LRMDA: variants seen among roughly 807,000 people sequenced by gnomAD.
The protein encoded by LRMDA is leucine-rich melanocyte differentiation-associated protein.
Under a neutral mutation model 29.8 loss-of-function variants are expected in LRMDA, and 18 were observed. The ratio of observed to expected loss-of-function variants is 0.60; its 90% CI spans 0.42 to 0.90. The LOEUF (loss-of-function observed/expected upper bound fraction) is 0.90, where lower values mean the gene tolerates loss of function less well. Ranked by LOEUF, LRMDA falls within the 40% of genes least tolerant of loss-of-function variation. LRMDA has a pLI of 0.00. For missense variants in LRMDA, 273 were observed against 273.9 expected, an observed-to-expected ratio of 1.00 and a Z score of 0.02; for synonymous variants, 125 against 109.4, an observed-to-expected ratio of 1.14 and a Z score of -0.89.
At chr10:75,602,210 T>A (rs1564519839) in intron 2 of LRMDA, among the ~76,000 whole-genome samples, 1 of 151,888 alleles carries the variant, frequency 6.6e-6, no homozygotes, top group Non-Finnish European at 1.5e-5. Flanking sequence ...ATATTCCAAA[T>A]GATGCACCGT....
At chr10:75,712,736 C>A (rs1229707609) in intron 2 of LRMDA, among the ~76,000 whole-genome samples, 1 of 152,162 alleles carries the variant, frequency 6.6e-6, no homozygotes, top group Non-Finnish European at 1.5e-5. Flanking sequence ...TCCTACCAGC[C>A]GTGGCAGAGG....
intron 2 of LRMDA, among the ~76,000 whole-genome samples, chr10:75,693,506 C>G (rs1218532823): frequency 1.3e-5 from 2 of 152,132 alleles, no homozygotes; most frequent in Non-Finnish European, 2.9e-5. Context: ...ACCCTGTTAT[C>G]CTTTAATTGG....
At chr10:75,927,219 T>C (rs2132396433) in intron 2 of LRMDA, among the ~76,000 whole-genome samples, 1 of 152,350 alleles carries the variant, frequency 6.6e-6, no homozygotes, top group Non-Finnish European at 1.5e-5. Context: ...GTTCTTAAGA[T>C]GAGCCAAATG....
At chr10:76,289,501 C>T (rs1310609351) in intron 5 of LRMDA, among the ~76,000 whole-genome samples, 1 of 152,044 alleles carries the variant, frequency 6.6e-6, no homozygotes, top group Non-Finnish European at 1.5e-5. Context: ...TTACCCTATG[C>T]AGTATTACAG....
chr10:76,043,105 G>C (rs1379263469), intron 3 of LRMDA, among the ~76,000 whole-genome samples: 2 of 152,076 alleles, frequency 1.3e-5, no homozygotes, highest in Non-Finnish European at 2.9e-5. Context: ...CTGGGCGACA[G>C]AGTGAGACTC....
chr10:76,050,618 A>C (rs772881583), intron 4 of LRMDA, among the ~76,000 whole-genome samples: 5 of 152,194 alleles, frequency 3.3e-5, no homozygotes, highest in African/African-American at 9.6e-5. Flanking sequence ...TGAATGTGAT[A>C]ATCAGCAGCC....
In LRMDA at chr10:76,267,722, A is replaced by G. The variant is rs545419062; in HGVS notation, c.517-56679A>G. Among the ~76,000 whole-genome samples the G allele has an allele frequency of 6.6e-5, 10 of 152,326 alleles. No individual in the cohort carries two copies. The South Asian group carries it at 2.1e-3, about 32-fold the overall frequency. On this transcript the variant is annotated intron_variant, in intron 5 of 6. Coordinates refer to ENST00000611255, the MANE Select transcript of LRMDA (RefSeq NM_001305581.2). ...TGGAATGAAGATGTGGATTCCATCT[A>G]TAGCTGTCAATCTTGTGAGTAAAAT...
intron 5 of LRMDA, among the ~76,000 whole-genome samples, chr10:76,132,111 G>A (rs900711230): frequency 5.9e-5 from 9 of 152,146 alleles, no homozygotes; most frequent in Admixed American, 3.3e-4. Context: ...TAAGAGGAGT[G>A]TGAGGTTAGA....
intron 2 of LRMDA, among the ~76,000 whole-genome samples, chr10:75,575,832 G>T (rs1840497715): frequency 6.6e-6 from 1 of 152,080 alleles, no homozygotes; most frequent in African/African-American, 2.4e-5. Flanking sequence ...CTCCGGCCCA[G>T]ATACTGAGCT....
At chr10:76,085,535 G>T (rs2132084300) in intron 5 of LRMDA, among the ~76,000 whole-genome samples, 1 of 152,246 alleles carries the variant, frequency 6.6e-6, no homozygotes, top group Admixed American at 6.5e-5. Context: ...GCTGGGGCTG[G>T]GGTGGAGGGA....
rs760407369 is a variant in LRMDA at position 76,281,240 on chromosome 10, A to G, written c.517-43161A>G. Among the ~76,000 whole-genome samples the G allele has an allele frequency of 2.0e-5, 3 of 152,222 alleles. No individual in the cohort carries two copies. The South Asian group carries it at 6.2e-4, about 32-fold the overall frequency. ...ATAAAAATCTGGAAAGTGGAAGTAT[A>G]TGGGAACAGACCTCAAAGGTCCTTT... On this transcript the variant is annotated intron_variant, in intron 5 of 6. Coordinates refer to ENST00000611255, the MANE Select transcript of LRMDA (RefSeq NM_001305581.2).
chr10:75,947,465 A>G (rs1275737771), intron 2 of LRMDA, among the ~76,000 whole-genome samples: 1 of 152,108 alleles, frequency 6.6e-6, no homozygotes, highest in Non-Finnish European at 1.5e-5. Context: ...CCGGATATTC[A>G]TGTAGGCAGG....
At chr10:76,176,055 T>C (rs938090044) in intron 5 of LRMDA, among the ~76,000 whole-genome samples, 2 of 152,242 alleles carry the variant, frequency 1.3e-5, no homozygotes, top group Admixed American at 1.3e-4. Context: ...TACCAATTTC[T>C]TTCAGCACCT....
At chr10:76,391,423 G>T (rs889758250) in intron 6 of LRMDA, among the ~76,000 whole-genome samples, 4 of 152,162 alleles carry the variant, frequency 2.6e-5, no homozygotes, top group African/African-American at 7.2e-5. Flanking sequence ...CTGCCTGCAG[G>T]ATAAGTAAAG....
intron 2 of LRMDA, among the ~76,000 whole-genome samples, chr10:75,746,898 A>C (rs534258483): frequency 5.0e-4 from 76 of 152,204 alleles, no homozygotes; most frequent in African/African-American, 1.8e-3. Flanking sequence ...TTCTTTTATA[A>C]ATTTCCTTAA....
intron 6 of LRMDA, among the ~76,000 whole-genome samples, chr10:76,329,206 T>C (rs557543066): frequency 6.6e-6 from 1 of 152,242 alleles, no homozygotes; most frequent in African/African-American, 2.4e-5. Flanking sequence ...TTCTCCGATG[T>C]AGTTTTCAGT....
At chr10:75,859,600 TACACAC>T (rs71024575) in intron 2 of LRMDA, among the ~76,000 whole-genome samples, 234 of 77,598 alleles carry the variant, frequency 3.0e-3, no homozygotes, top group African/African-American at 7.2e-3. Flanking sequence ...ATTCAGGGCA[TACACAC>T]ACACACACAC....
chr10:75,459,117 G>GA (rs973860758), intron 2 of LRMDA, among the ~76,000 whole-genome samples: 10 of 151,450 alleles, frequency 6.6e-5, no homozygotes, highest in African/African-American at 1.5e-4. Flanking sequence ...TTAATATTAG[G>GA]AAAAAAAACC....
intron 5 of LRMDA, among the ~76,000 whole-genome samples, chr10:76,188,897 A>AT (rs903881696): frequency 2.3e-4 from 34 of 150,026 alleles, no homozygotes; most frequent in Admixed American, 1.5e-3. Flanking sequence ...TTTCTCAGTC[A>AT]TTTTTTTTCA....
Sources: gnomAD v4.1 joint callset for allele counts (sites outside exome capture counted in the v4.1 genomes callset) on GRCh38, gnomAD v4.1.1 for gene constraint, MANE v1.5 for transcripts, NCBI Gene and HGNC (gene_info 2026-07-23, HGNC 2026-07-21) for gene names.